The following NME9 variants were observed in gnomAD, a reference collection of about 807,000 sequenced individuals.
NME9 encodes thioredoxin domain-containing protein 6.
A neutral mutation model predicts 44.4 loss-of-function variants in NME9; 48 were observed. The ratio of observed to expected loss-of-function variants is 1.08; its 90% CI spans 0.86 to 1.37. NME9 has a LOEUF of 1.37. NME9 is among the 40% of genes most tolerant of loss of function. The pLI, the probability that NME9 is intolerant of heterozygous loss-of-function variation, is 0.00. For missense variants in NME9, 325 were observed against 405.2 expected (o/e 0.80, Z 1.70); for synonymous variants, 139 against 147.1 (o/e 0.94, Z 0.40).
Position 138,304,983 on chromosome 3 carries a change from G to T in NME9, c.681C>A (p.Ser227Arg). The stretch of plus-strand genomic sequence containing the variant: ...CAGTCCTGGTGAGGATCAGGAGGTG[G>T]CTTGGTCCACTGCACATGTGATGTA... The part of the protein sequence containing the change: ...KLVHHMCSGP[S>R]HLLILTRTEG... The change falls in exon 9 of 11, where the codon AGC becomes AGA. Residue 227 changes from serine (S) to arginine (R), a missense_variant. Coordinates refer to ENST00000333911, the MANE Select transcript of NME9 (RefSeq NM_001349018.2). The T allele has an allele frequency of 6.2e-7, 1 of 1,614,008 alleles. No individual in the cohort carries two copies.
At chr3:138,271,688 CATT>C (rs1348831793) in intron 8 of NME9, among the ~76,000 whole-genome samples, 1 of 152,074 alleles carries the variant, frequency 6.6e-6, no homozygotes, top group Non-Finnish European at 1.5e-5. Flanking sequence ...TGCTGCCTCA[CATT>C]ATTATGTAAC....
intron 8 of NME9, among the ~76,000 whole-genome samples, chr3:138,289,629 C>T (rs1474243245): frequency 2.0e-5 from 3 of 152,064 alleles, no homozygotes; most frequent in Non-Finnish European, 4.4e-5. Flanking sequence ...ATTAGAATCA[C>T]CTGGGAATTT....
intron 8 of NME9, among the ~76,000 whole-genome samples, chr3:138,284,186 A>G (rs1484704647): frequency 1.3e-5 from 2 of 152,244 alleles, no homozygotes; most frequent in African/African-American, 4.8e-5. Flanking sequence ...TTGACCAGCT[A>G]TGGCTTCCCA....
At chr3:138,298,563 G>C (rs1002194378), downstream of NME9, among the ~76,000 whole-genome samples, 5 of 152,072 alleles carry the variant, frequency 3.3e-5, no homozygotes, top group African/African-American at 1.2e-4. Context: ...GCAGCAGTCT[G>C]GGGACCCCTC....
rs112220681 is a variant in NME9, at chr3:138,301,989, C to T, written c.929-285G>A. Reference sequence around the variant, plus strand: ...ATTATGAAGCTATTTGTGGTTATGACGAGTCTATCATTATCTCCATTTCAC... The same window carrying T: ...ATTATGAAGCTATTTGTGGTTATGATGAGTCTATCATTATCTCCATTTCAC... On this transcript the variant is annotated intron_variant, in intron 10 of 10. Coordinates refer to ENST00000333911, the MANE Select transcript of NME9 (RefSeq NM_001349018.2). Among the ~76,000 whole-genome samples the T allele has an allele frequency of 4.8e-3, 732 of 152,238 alleles. 2 individuals carry two copies. Among genetic ancestry groups the T allele is most frequent in the African/African-American group, 0.017 (701 of 41,510 alleles).
chr3:138,262,509 T>G (rs2047843407), exon 9 of NME9: 1 of 1,605,896 alleles, frequency 6.2e-7, no homozygotes, highest in Admixed American at 1.7e-5. Flanking sequence ...CTCTCTCATG[T>G]TCTAAGGTCA....
chr3:138,266,067 A>G (rs926044069), intron 8 of NME9, among the ~76,000 whole-genome samples: 4 of 152,196 alleles, frequency 2.6e-5, no homozygotes, highest in African/African-American at 9.7e-5. Context: ...TCAGAACAGT[A>G]TGTTTCTTTA....
chr3:138,286,232 T>G (rs1158487409), intron 8 of NME9, among the ~76,000 whole-genome samples: 1 of 152,178 alleles, frequency 6.6e-6, no homozygotes, highest in Non-Finnish European at 1.5e-5. Flanking sequence ...CATGAGCCAC[T>G]GCGCCCAACC....
intron 8 of NME9, among the ~76,000 whole-genome samples, chr3:138,277,204 C>T (rs2049381696): frequency 6.6e-6 from 1 of 152,040 alleles, no homozygotes; most frequent in Admixed American, 6.6e-5. Flanking sequence ...AGAAAAGATG[C>T]TGTACAAGTG....
At chr3:138,274,381 T>C (rs903408428) in intron 8 of NME9, 39 of 1,045,486 alleles carry the variant, frequency 3.7e-5, no homozygotes, top group Non-Finnish European at 4.5e-5. Flanking sequence ...TTTTAACTTT[T>C]AGAAGCCTTG....
In NME9 at chr3:138,301,667, C is replaced by T. The variant is rs1206185331; in HGVS notation, c.966G>A (p.Ala322=). The change falls in exon 11 of 11, where the codon GCG becomes GCA. Residue 322 remains alanine, a synonymous_variant. Coordinates refer to ENST00000333911, the MANE Select transcript of NME9 (RefSeq NM_001349018.2). The part of the protein sequence containing the change: ...EAEATAGPTE[A]LCFPEDVD ...AATCCACATCCTCAGGAAAGCAAAG[C>T]GCCTCAGTGGGCCCCGCTGTTGCTT... 3.3e-5 allele frequency: 51 copies of T among 1,535,958 alleles called. No individual in the cohort carries two copies. The highest frequency in any genetic ancestry group is 4.4e-5 in the Non-Finnish European group (51 of 1,146,898).
At chr3:138,327,154 G>C (rs1361858775) in intron 1 of NME9, 3 of 124,560 alleles carry the variant, frequency 2.4e-5, no homozygotes, top group African/African-American at 1.0e-4. Context: ...GAATGAAACT[G>C]TCTCAAAAAA....
At chr3:138,283,141 C>G (rs1217171233) in intron 8 of NME9, among the ~76,000 whole-genome samples, 1 of 152,168 alleles carries the variant, frequency 6.6e-6, no homozygotes, top group Non-Finnish European at 1.5e-5. Context: ...CAGAGGCAGC[C>G]TTTTCTGGTT....
intron 6 of NME9, 118 bp downstream of exon 6, chr3:138,314,214 T>A (rs143284214): frequency 1.8e-6 from 1 of 571,340 alleles, no homozygotes; most frequent in Non-Finnish European, 3.1e-6. Context: ...TTATGAACCA[T>A]TAAAAAATCT....
downstream of NME9, chr3:138,296,026 G>T: frequency 1.3e-6 from 1 of 778,338 alleles, no homozygotes; most frequent in Non-Finnish European, 2.0e-6. Flanking sequence ...AAGCAGTTTA[G>T]TAGGCTTAGA....
At chr3:138,307,758 G>A (rs2052383818) in intron 6 of NME9, among the ~76,000 whole-genome samples, 1 of 152,214 alleles carries the variant, frequency 6.6e-6, no homozygotes, top group Non-Finnish European at 1.5e-5. Flanking sequence ...CAATGAAGGA[G>A]AAACTGAGGA....
intron 6 of NME9, among the ~76,000 whole-genome samples, chr3:138,308,275 AT>A (rs1300279946): frequency 2.0e-5 from 3 of 152,170 alleles, no homozygotes; most frequent in Non-Finnish European, 4.4e-5. Context: ...TTCTCCACAC[AT>A]GTAAAAACAG....
chr3:138,322,985 T>C (rs375235486), intron 2 of NME9, among the ~76,000 whole-genome samples: 2 of 152,332 alleles, frequency 1.3e-5, no homozygotes, highest in African/African-American at 4.8e-5. Flanking sequence ...TGGTTAAGCC[T>C]TGGCACCATC....
intron 8 of NME9, chr3:138,288,979 C>A (rs955466893): frequency 3.1e-6 from 4 of 1,300,382 alleles, no homozygotes; most frequent in South Asian, 1.3e-5. Context: ...TATGGTAGGT[C>A]CCCCCAAAAA....
Sources: gnomAD v4.1 joint callset for allele counts (sites outside exome capture counted in the v4.1 genomes callset) on GRCh38, gnomAD v4.1.1 for gene constraint, MANE v1.5 for transcripts, NCBI Gene and HGNC (gene_info 2026-07-23, HGNC 2026-07-21) for gene names.